Variants in TPX2 observed in about 807,000 individuals in gnomAD.
The protein encoded by TPX2 is TPX2 microtubule nucleation factor, also known as targeting protein for Xklp2.
In TPX2, 21 loss-of-function variants were observed where a neutral mutation model predicts 93.6. The observed-to-expected ratio is 0.22, with a 90% CI of 0.16 to 0.32. The LOEUF is 0.32. TPX2 is among the 10% of genes least tolerant of loss of function. The probability of loss-of-function intolerance (pLI) is 1.00; values close to 1 mark genes in which losing one functional copy is unlikely to be tolerated. For missense variants in TPX2, 776 were observed against 871.1 expected, an observed-to-expected ratio of 0.89 and a Z score of 1.37; for synonymous variants, 281 against 298.3, an observed-to-expected ratio of 0.94 and a Z score of 0.60.
intron 7 of TPX2, among the ~76,000 whole-genome samples, chr20:31,773,872 T>C (rs1190794553): frequency 6.9e-6 from 1 of 144,172 alleles, no homozygotes; most frequent in Non-Finnish European, 1.5e-5. Flanking sequence ...ACATTTGGAT[T>C]TTTTTTTTTT....
Position 31,772,723 on chromosome 20 carries a change from C to CT in TPX2, c.608+1047dup, listed in dbSNP as rs377048370. 4.9e-3 allele frequency among the ~76,000 whole-genome samples: 743 copies of CT among 152,178 alleles called. 2 individuals are homozygous for CT. Among genetic ancestry groups the CT allele is most frequent in the African/African-American group, 0.016 (652 of 41,524 alleles). On this transcript the variant is annotated intron_variant, in intron 7 of 17. Coordinates refer to ENST00000300403, the MANE Select transcript of TPX2 (RefSeq NM_012112.5). ...CTGCTACAAAATTTTCACATTTATC[C>CT]TTTTTTGATAGATTGTTAATATTCT...
At chr20:31,764,558 A>G (rs757336355) in intron 4 of TPX2, among the ~76,000 whole-genome samples, 11 of 152,060 alleles carry the variant, frequency 7.2e-5, no homozygotes, top group Non-Finnish European at 1.6e-4. Context: ...TAGCCACTCT[A>G]GTTTTCTTTT....
rs748148133 is a variant in TPX2 at position 31,777,596 on chromosome 20, A to G, written c.840A>G (p.Glu280=). Residue 280 remains glutamate, a synonymous_variant, in exon 9 of 18, where the codon GAA becomes GAG. Transcript: ENST00000300403. Reference sequence around the variant, plus strand: ...CTAAGAACCAGGAGGAATATAAGGAAGTGAACTTTACATCTGAACTACGAA... The same window carrying G: ...CTAAGAACCAGGAGGAATATAAGGAGGTGAACTTTACATCTGAACTACGAA... ...QHPKNQEEYK[E]VNFTSELRKH... 2 of 1,614,034 alleles carry G rather than the reference A, an allele frequency of 1.2e-6. No homozygotes were observed. Among genetic ancestry groups the G allele is most frequent in the African/African-American group, 1.3e-5 (1 of 74,942 alleles).
intron 10 of TPX2, among the ~76,000 whole-genome samples, chr20:31,780,055 T>C (rs1200503432): frequency 6.6e-6 from 1 of 151,992 alleles, no homozygotes; most frequent in East Asian, 1.9e-4. Flanking sequence ...TGCATAGGCA[T>C]TTTTTTTGAG....
At chr20:31,772,689 G>A (rs1051148644) in intron 7 of TPX2, among the ~76,000 whole-genome samples, 1 of 152,078 alleles carries the variant, frequency 6.6e-6, no homozygotes, top group Non-Finnish European at 1.5e-5. Flanking sequence ...TTCAGATTTT[G>A]TTTCTGTGCT....
intron 2 of TPX2, among the ~76,000 whole-genome samples, chr20:31,753,780 C>T (rs2061834367): frequency 6.6e-6 from 1 of 152,142 alleles, no homozygotes; most frequent in African/African-American, 2.4e-5. Flanking sequence ...AATCCCAGCA[C>T]TTTGGGTGGC....
chr20:31,773,247 G>A (rs1345888209), intron 7 of TPX2, among the ~76,000 whole-genome samples: 3 of 148,972 alleles, frequency 2.0e-5, no homozygotes, highest in Non-Finnish European at 4.4e-5. Context: ...TGCCTCCCAC[G>A]TTCAAGCAAT....
chr20:31,760,583 C>T (rs1002902646), intron 4 of TPX2, among the ~76,000 whole-genome samples: 11 of 152,132 alleles, frequency 7.2e-5, no homozygotes, highest in East Asian at 5.8e-4. Flanking sequence ...TCTTGACCTC[C>T]GGGCTTCAAG....
At chr20:31,767,827 C>T (rs1383031499) in intron 5 of TPX2, among the ~76,000 whole-genome samples, 1 of 152,168 alleles carries the variant, frequency 6.6e-6, no homozygotes, top group African/African-American at 2.4e-5. Flanking sequence ...GTTAGGATTA[C>T]AGGCATGAGC....
rs2062172786 is a variant in TPX2 at position 31,801,669 on chromosome 20, G to A, written c.*589G>A. On this transcript the variant is annotated 3_prime_UTR_variant, in exon 18 of 18. Coordinates refer to ENST00000300403, the MANE Select transcript of TPX2 (RefSeq NM_012112.5). ...TGGATTCATGGGGAGCCTCACAGCA[G>A]CCACGCAGCAGGCTCTGGGTGGGGC... 2 of 152,264 alleles carry A rather than the reference G, an allele frequency of 1.3e-5. No individual in the cohort carries two copies. Among genetic ancestry groups the A allele is most frequent in the Non-Finnish European group, 2.9e-5 (2 of 68,108 alleles). 9.4% of individuals were successfully genotyped at this position (152,264 alleles called of 1,614,324 possible).
chr20:31,764,116 A>G (rs557489061), intron 4 of TPX2, among the ~76,000 whole-genome samples: 1 of 150,974 alleles, frequency 6.6e-6, no homozygotes, highest in East Asian at 1.9e-4. Flanking sequence ...ATATACATGT[A>G]TGTGTGTATA....
intron 3 of TPX2, 72 bp downstream of exon 3, chr20:31,757,654 G>A (rs2061860492): frequency 8.5e-7 from 1 of 1,182,316 alleles, no homozygotes; most frequent in Admixed American, 2.1e-5. Context: ...TTCAATAATA[G>A]AAGGGGTTGC....
chr20:31,748,573 T>G (rs188811029), intron 2 of TPX2, among the ~76,000 whole-genome samples: 31 of 152,326 alleles, frequency 2.0e-4, no homozygotes, highest in African/African-American at 7.0e-4. Flanking sequence ...AGGATTTGTC[T>G]TTGTTGAACA....
chr20:31,758,326 G>A (rs144829903), intron 3 of TPX2, among the ~76,000 whole-genome samples: 10 of 152,008 alleles, frequency 6.6e-5, no homozygotes, highest in African/African-American at 2.4e-4. Flanking sequence ...TGCCATGTTG[G>A]CCAGGCTAGT....
At chr20:31,749,901 G>C (rs1174824710) in intron 2 of TPX2, among the ~76,000 whole-genome samples, 1 of 151,820 alleles carries the variant, frequency 6.6e-6, no homozygotes, top group Non-Finnish European at 1.5e-5. Context: ...GTTCTATATA[G>C]AAATCTTATT....
intron 2 of TPX2, among the ~76,000 whole-genome samples, chr20:31,750,029 C>A (rs1026677631): frequency 6.6e-6 from 1 of 152,020 alleles, no homozygotes. Flanking sequence ...CCTCCTCCTC[C>A]CGGGTTCAAG....
intron 2 of TPX2, among the ~76,000 whole-genome samples, chr20:31,750,020 C>T (rs1182880643): frequency 3.9e-5 from 6 of 151,946 alleles, no homozygotes. Flanking sequence ...TCACTGGAAC[C>T]TCCTCCTCCC....
intron 12 of TPX2, among the ~76,000 whole-genome samples, chr20:31,789,750 T>TGA (rs2062088683): frequency 6.6e-6 from 1 of 152,156 alleles, no homozygotes; most frequent in Non-Finnish European, 1.5e-5. Flanking sequence ...ATGATTTTCA[T>TGA]AAATCATCTT....
chr20:31,745,043 C>T (rs532921410), intron 2 of TPX2, among the ~76,000 whole-genome samples: 7 of 152,204 alleles, frequency 4.6e-5, no homozygotes, highest in East Asian at 1.9e-4. Flanking sequence ...GCCGAGATCG[C>T]GCCATTGCAC....
Sources: allele counts gnomAD v4.1 joint callset (sites outside exome capture counted in the v4.1 genomes callset), GRCh38; gene constraint gnomAD v4.1.1; transcripts MANE v1.5; gene names NCBI Gene and HGNC (gene_info 2026-07-23, HGNC 2026-07-21).